The following EZH2 variants were observed in gnomAD, a reference collection of about 807,000 sequenced individuals.
The protein encoded by EZH2 is enhancer of zeste 2 polycomb repressive complex 2 subunit.
Under a neutral mutation model 98.4 loss-of-function variants are expected in EZH2, and 18 were observed. The observed-to-expected ratio is 0.18, with a 90% CI of 0.13 to 0.27. The LOEUF is 0.27. EZH2 is among the 10% of genes least tolerant of loss of function. EZH2 has a pLI of 1.00. For synonymous variants in EZH2, 338 were observed against 312.3 expected (o/e 1.08, Z -0.87); for missense variants, 470 against 935.1 (o/e 0.50, Z 6.49).
At position 148,833,414 on chromosome 7, in the gene EZH2, G is replaced by A. The variant is rs916758829; in HGVS notation, c.247-664C>T. ...GGAGCTTGCAGTGAGTCGAGATCGC[G>A]CCACTGCACTCCAGCCTGGGCGACA... is the stretch of plus-strand genomic sequence containing the variant. On this transcript the variant is annotated intron_variant, in intron 3 of 19. Transcript: ENST00000320356. Among the ~76,000 whole-genome samples, 4 of 150,806 alleles carry A rather than the reference G, an allele frequency of 2.7e-5. No individual in the cohort carries two copies. In the South Asian group the frequency reaches 6.3e-4, roughly 24 times the overall value.
chr7:148,828,096 C>T (rs1262363026), intron 6 of EZH2, among the ~76,000 whole-genome samples: 1 of 152,220 alleles, frequency 6.6e-6, no homozygotes, highest in African/African-American at 2.4e-5. Context: ...CTAGCCTGGG[C>T]GACAGAGCGA....
chr7:148,817,412 A>C (rs749072047), intron 10 of EZH2, 21 bp from the exon 11 acceptor site: 84 of 1,608,614 alleles, frequency 5.2e-5, no homozygotes, highest in Non-Finnish European at 6.8e-5. Flanking sequence ...AAATGTAAGC[A>C]CTGGTCAAGA....
chr7:148,875,165 A>C (rs183659483), intron 1 of EZH2, among the ~76,000 whole-genome samples: 11 of 152,356 alleles, frequency 7.2e-5, no homozygotes, highest in Non-Finnish European at 1.6e-4. Context: ...CAGCATATGA[A>C]TAATATCCTT....
intron 1 of EZH2, among the ~76,000 whole-genome samples, chr7:148,851,172 T>A (rs1175137412): frequency 6.6e-6 from 1 of 152,206 alleles, no homozygotes; most frequent in East Asian, 1.9e-4. Context: ...GGGTGGCCTA[T>A]CCATGCTTGA....
chr7:148,814,245 C>A (rs1470031998), intron 14 of EZH2, 108 bp from the exon 15 acceptor site: 2 of 940,048 alleles, frequency 2.1e-6, no homozygotes, highest in African/African-American at 1.6e-5. Flanking sequence ...TCAACCCTCA[C>A]AACCACCTTA....
chr7:148,878,560 T>G (rs1820492082), intron 1 of EZH2, among the ~76,000 whole-genome samples: 1 of 152,358 alleles, frequency 6.6e-6, no homozygotes, highest in East Asian at 1.9e-4. Flanking sequence ...TATACCACAT[T>G]TTGTTAATTC....
At chr7:148,843,906 T>G (rs528262441) in intron 3 of EZH2, among the ~76,000 whole-genome samples, 5 of 152,140 alleles carry the variant, frequency 3.3e-5, no homozygotes, top group Non-Finnish European at 7.4e-5. Context: ...AATGGGAGTA[T>G]AAGTTTAAGA....
At chr7:148,878,760 G>A (rs928031580) in intron 1 of EZH2, among the ~76,000 whole-genome samples, 5 of 151,880 alleles carry the variant, frequency 3.3e-5, no homozygotes, top group Non-Finnish European at 5.9e-5. Flanking sequence ...TTAGCCAGGC[G>A]TGGTGGCATG....
At chr7:148,836,598 C>T (rs974081633) in intron 3 of EZH2, among the ~76,000 whole-genome samples, 2 of 152,112 alleles carry the variant, frequency 1.3e-5, no homozygotes, top group East Asian at 1.9e-4. Flanking sequence ...AGCCATGTGT[C>T]CTGGACTCAG....
At position 148,854,386 on chromosome 7, in the gene EZH2, A is replaced by T. The variant is rs568742820; in HGVS notation, c.-7-7081T>A. On this transcript the variant is annotated intron_variant, in intron 1 of 19. Coordinates refer to ENST00000320356, the MANE Select transcript of EZH2 (RefSeq NM_004456.5). ...GGGAGGCAGAGCTTGCAGTGAGCCGAGATCGTGCCACTGCATTCCAGCCTG... is the reference window on the plus strand; with the variant it reads ...GGGAGGCAGAGCTTGCAGTGAGCCGTGATCGTGCCACTGCATTCCAGCCTG... 2.2e-4 allele frequency among the ~76,000 whole-genome samples: 34 copies of T among 151,658 alleles called. No individual in the cohort carries two copies. The South Asian group carries it at 6.1e-3, about 27-fold the overall frequency.
intron 5 of EZH2, 34 bp from the exon 6 acceptor site, chr7:148,828,914 GA>G: frequency 6.4e-7 from 1 of 1,569,438 alleles, no homozygotes; most frequent in Non-Finnish European, 8.6e-7. Flanking sequence ...ACACACAGGA[GA>G]AGCAATAATG....
intron 1 of EZH2, among the ~76,000 whole-genome samples, chr7:148,852,192 G>A (rs1205858316): frequency 6.6e-6 from 1 of 152,208 alleles, no homozygotes; most frequent in East Asian, 1.9e-4. Flanking sequence ...AGCTTTAGCA[G>A]AATGTAGTGA....
rs532564068 is a variant in EZH2, at chr7:148,837,605, T to C, written c.247-4855A>G. On this transcript the variant is annotated intron_variant, in intron 3 of 19. Coordinates refer to ENST00000320356, the MANE Select transcript of EZH2 (RefSeq NM_004456.5). Reference sequence around the variant, plus strand: ...TGAAGAAAAACTGCAATGAGATAAATAGCAAATTTGGATAAAGTAAAGAGA... The same window carrying C: ...TGAAGAAAAACTGCAATGAGATAAACAGCAAATTTGGATAAAGTAAAGAGA... 2.0e-4 allele frequency among the ~76,000 whole-genome samples: 30 copies of C among 152,228 alleles called. 1 individual carries two copies. In the South Asian group the frequency reaches 6.0e-3, roughly 31 times the overall value.
At chr7:148,867,103 G>A (rs1047685571) in intron 1 of EZH2, among the ~76,000 whole-genome samples, 3 of 150,550 alleles carry the variant, frequency 2.0e-5, no homozygotes, top group African/African-American at 7.3e-5. Context: ...GAGGCAGGCA[G>A]ATAACCTGAG....
At chr7:148,850,560 A>G (rs1366397184) in intron 1 of EZH2, 10 of 392,154 alleles carry the variant, frequency 2.6e-5, no homozygotes, top group Non-Finnish European at 3.5e-5. Context: ...AGTACCAATT[A>G]AAAGGATGTT....
chr7:148,823,165 G>A (rs1012803043), intron 8 of EZH2, among the ~76,000 whole-genome samples: 1 of 152,124 alleles, frequency 6.6e-6, no homozygotes, highest in Admixed American at 6.5e-5. Flanking sequence ...CCTTCTATGG[G>A]CAGGGCTCTC....
chr7:148,833,494 A>G (rs1042591195), intron 3 of EZH2, among the ~76,000 whole-genome samples: 1 of 151,942 alleles, frequency 6.6e-6, no homozygotes, highest in East Asian at 1.9e-4. Flanking sequence ...AATAAAAAGA[A>G]TAAGAAAACT....
intron 5 of EZH2, 78 bp downstream of exon 5, chr7:148,829,650 T>C: frequency 6.7e-7 from 1 of 1,481,814 alleles, no homozygotes; most frequent in African/African-American, 1.4e-5. Context: ...ATTTTTCTCA[T>C]GCCCTATATG....
At chr7:148,852,308 C>T (rs73747704) in intron 1 of EZH2, among the ~76,000 whole-genome samples, 3,600 of 152,272 alleles carry the variant, frequency 0.024, 132 homozygotes, top group African/African-American at 0.083. Flanking sequence ...CCCTGAACAC[C>T]ATGCCTTACC....
Sources: gnomAD v4.1 joint callset for allele counts (sites outside exome capture counted in the v4.1 genomes callset) on GRCh38, gnomAD v4.1.1 for gene constraint, MANE v1.5 for transcripts, NCBI Gene and HGNC (gene_info 2026-07-23, HGNC 2026-07-21) for gene names.